The following SI variants were observed in gnomAD, a reference collection of about 807,000 sequenced individuals.
SI encodes the protein sucrase-isomaltase.
Under a neutral mutation model 253.3 loss-of-function variants are expected in SI, and 235 were observed. The ratio of observed to expected loss-of-function variants is 0.93; its 90% CI spans 0.83 to 1.03. The LOEUF (loss-of-function observed/expected upper bound fraction) is 1.03. Among genes scored for constraint, SI ranks in the 50% least tolerant of loss-of-function variants. SI has a pLI of 0.00. For synonymous variants in SI, 819 were observed against 712.0 expected (o/e 1.15, Z -2.39); for missense variants, 2,442 against 2,211.1 (o/e 1.10, Z -2.09).
chr3:165,066,738 C>T (rs1002501934), intron 6 of SI, among the ~76,000 whole-genome samples: 3 of 151,798 alleles, frequency 2.0e-5, no homozygotes, highest in African/African-American at 7.3e-5. Flanking sequence ...TGATTTAACA[C>T]AAAGTCATAA....
chr3:165,058,047 A>C, intron 12 of SI, among the ~76,000 whole-genome samples: 1 of 107,760 alleles, frequency 9.3e-6, no homozygotes, highest in African/African-American at 3.0e-5. Context: ...AACAAGTCTT[A>C]AAATATTTTT....
intron 3 of SI, among the ~76,000 whole-genome samples, chr3:165,069,492 A>G (rs1364386810): frequency 6.6e-6 from 1 of 152,122 alleles, no homozygotes; most frequent in Non-Finnish European, 1.5e-5. Flanking sequence ...CTAAGTAATT[A>G]TAATTTATTC....
intron 44 of SI, among the ~76,000 whole-genome samples, chr3:164,988,801 C>A (rs1046571660): frequency 6.6e-6 from 1 of 152,098 alleles, no homozygotes; most frequent in African/African-American, 2.4e-5. Context: ...CTATGTCAGT[C>A]TGAGAAGACA....
chr3:165,075,967 G>T lies in SI; in HGVS notation c.46C>A (p.Leu16Ile). Reference protein sequence around the residue: ...FSGLEISLIVLFVIVTIIAIA... With the variant: ...FSGLEISLIVIFVIVTIIAIA... The stretch of plus-strand genomic sequence containing the variant: ...GCTATTATAGTAACTATGACAAAAA[G>T]GACAATCAGAGAGATTTCCAATCCA... Residue 16 changes from leucine (L) to isoleucine (I), a missense_variant, in exon 2 of 48, where the codon CTT becomes ATT. Transcript: ENST00000264382. 6.3e-7 allele frequency: 1 copy of T among 1,595,876 alleles called. No homozygotes were observed. The highest frequency in any genetic ancestry group is 8.6e-7 in the Non-Finnish European group (1 of 1,167,548).
At chr3:165,005,464 T>C (rs1490986063) in intron 37 of SI, among the ~76,000 whole-genome samples, 2 of 151,998 alleles carry the variant, frequency 1.3e-5, no homozygotes, top group African/African-American at 4.8e-5. Context: ...CCAATATATA[T>C]ACCCACCTAC....
Position 165,036,481 on chromosome 3 carries a change from T to C in SI, c.2427-4A>G. ...AAGTCCTAGAGGATTCTTACGGCTGTTAAGAAAAATTAGGTGCATATATGG... is the reference window on the plus strand; with the variant it reads ...AAGTCCTAGAGGATTCTTACGGCTGCTAAGAAAAATTAGGTGCATATATGG... On this transcript the variant is annotated splice_region_variant and splice_polypyrimidine_tract_variant and intron_variant, in intron 21 of 47. Coordinates refer to ENST00000264382, the MANE Select transcript of SI (RefSeq NM_001041.4). The C allele has an allele frequency of 1.3e-6, 2 of 1,599,648 alleles. No individual in the cohort carries two copies. Among genetic ancestry groups the C allele is most frequent in the Non-Finnish European group, 1.7e-6 (2 of 1,167,858 alleles).
chr3:164,993,677 TTAAAAA>T (rs1219327543), intron 41 of SI, among the ~76,000 whole-genome samples: 2 of 151,750 alleles, frequency 1.3e-5, no homozygotes, highest in Admixed American at 6.6e-5. Flanking sequence ...TGTATTCAAC[TTAAAAA>T]TAAAATGGAT....
chr3:165,044,178 A>G lies in SI; in HGVS notation c.1888-1003T>C, dbSNP rs191990609. On this transcript the variant is annotated intron_variant, in intron 16 of 47. Coordinates refer to ENST00000264382, the MANE Select transcript of SI (RefSeq NM_001041.4). ...GTCATTTCATTACATATATGTAAAT[A>G]TTAAAATATCTGAAAATACCTGAAA... Among the ~76,000 whole-genome samples the G allele has an allele frequency of 2.6e-3, 392 of 152,174 alleles. 1 individual carries two copies. Among genetic ancestry groups the G allele is most frequent in the Non-Finnish European group, 4.2e-3 (285 of 67,932 alleles).
Position 165,049,872 on chromosome 3 carries a change from T to C in SI, c.1516A>G (p.Met506Val), listed in dbSNP as rs1302522597. 2 of 1,573,012 alleles carry C rather than the reference T, an allele frequency of 1.3e-6. No homozygotes were observed. Among genetic ancestry groups the C allele is most frequent in the Non-Finnish European group, 8.7e-7 (1 of 1,143,302 alleles). ...EVQYDGLWIDMNEVSSFIQGS... is the reference protein window; with the variant it reads ...EVQYDGLWIDVNEVSSFIQGS... Reference sequence around the variant, plus strand: ...TGAATAAAGCTGGAAACTTCATTCATGTCCTGAATGGATACAAAATGAAGA... The same window carrying C: ...TGAATAAAGCTGGAAACTTCATTCACGTCCTGAATGGATACAAAATGAAGA... The change falls in exon 14 of 48, where the codon ATG becomes GTG. Residue 506 changes from methionine to valine, a missense_variant. By Grantham distance (21) the Met-to-Val change is conservative. Transcript: ENST00000264382.
At chr3:165,064,436 A>G (rs900299556) in intron 7 of SI, among the ~76,000 whole-genome samples, 2 of 152,120 alleles carry the variant, frequency 1.3e-5, no homozygotes, top group African/African-American at 4.8e-5. Flanking sequence ...ATTCTGTACC[A>G]AATGAAACTC....
At chr3:165,068,417 T>C (rs939346832) in intron 5 of SI, among the ~76,000 whole-genome samples, 1 of 152,204 alleles carries the variant, frequency 6.6e-6, no homozygotes, top group African/African-American at 2.4e-5. Flanking sequence ...AATGTATTTG[T>C]AGGATGAAAG....
At chr3:165,000,275 T>C (rs1718198266) in intron 37 of SI, among the ~76,000 whole-genome samples, 1 of 151,352 alleles carries the variant, frequency 6.6e-6, no homozygotes, top group Admixed American at 6.6e-5. Flanking sequence ...ACTGATACTT[T>C]AAATTAATAG....
chr3:165,080,724 G>C (rs1715284893), upstream of SI, among the ~76,000 whole-genome samples: 1 of 151,978 alleles, frequency 6.6e-6, no homozygotes, highest in South Asian at 2.1e-4. Flanking sequence ...GACACAGGAA[G>C]GGGAACATCG....
intron 20 of SI, among the ~76,000 whole-genome samples, chr3:165,038,674 A>AT (rs1222010508): frequency 6.6e-6 from 1 of 152,058 alleles, no homozygotes; most frequent in Non-Finnish European, 1.5e-5. Flanking sequence ...CCTTTTTCAA[A>AT]TATTTGAATA....
chr3:164,998,640 A>T lies in SI; in HGVS notation c.4440T>A (p.Ile1480=). 6.2e-7 allele frequency: 1 copy of T among 1,611,788 alleles called. No individual in the cohort carries two copies. The highest frequency in any genetic ancestry group is 1.1e-5 in the South Asian group (1 of 91,056). The change falls in exon 38 of 48, where the codon ATT becomes ATA. Residue 1480 remains isoleucine (I), a synonymous_variant. Coordinates refer to ENST00000264382, the MANE Select transcript of SI (RefSeq NM_001041.4). ...TAGGATACGTGGAACGAGAAATTAC[A>T]ATCCCTCTTTTTCCAGTTGTCTTCT... ...ALQKTTGKRG[I]VISRSTYPTS... is the part of the protein sequence containing the mutation.
At chr3:165,001,468 A>C (rs1576877847) in intron 37 of SI, among the ~76,000 whole-genome samples, 1 of 151,596 alleles carries the variant, frequency 6.6e-6, no homozygotes, top group African/African-American at 2.4e-5. Flanking sequence ...AAATTGGATA[A>C]GTATTTTGTA....
At chr3:165,037,756 T>A (rs1712601613) in intron 21 of SI, 144 bp downstream of exon 21, 1 of 515,542 alleles carries the variant, frequency 1.9e-6, no homozygotes, top group African/African-American at 1.9e-5. Flanking sequence ...TTTATAGCTA[T>A]GATGGTTATA....
At chr3:165,085,412 A>G in the SI span, among the ~76,000 whole-genome samples, 12 of 152,142 alleles carry the variant, frequency 7.9e-5, no homozygotes, top group African/African-American at 2.7e-4. Context: ...TCCTTTTTGT[A>G]TTCATCCACA....
chr3:165,044,017 T>G (rs925772103), intron 16 of SI, among the ~76,000 whole-genome samples: 2 of 152,074 alleles, frequency 1.3e-5, no homozygotes, highest in Middle Eastern at 3.4e-3. Flanking sequence ...GCCAACATAA[T>G]GCCAGAAGTG....
Sources: allele counts gnomAD v4.1 joint callset (sites outside exome capture counted in the v4.1 genomes callset), GRCh38; gene constraint gnomAD v4.1.1; transcripts MANE v1.5; gene names NCBI Gene and HGNC (gene_info 2026-07-23, HGNC 2026-07-21).